Variants in PALMD observed in about 807,000 individuals in gnomAD.
PALMD encodes the protein paralemmin-like protein.
PALMD carries 42 observed loss-of-function variants against 56.2 expected under a neutral mutation model. The observed-to-expected ratio is 0.75, with a 90% CI of 0.58 to 0.97. PALMD has a LOEUF of 0.97. PALMD is among the 50% of genes least tolerant of loss of function. PALMD has a pLI of 0.00. For missense variants in PALMD, 660 were observed against 643.8 expected (o/e 1.03, Z -0.27); for synonymous variants, 242 against 222.9 (o/e 1.09, Z -0.76).
chr1:99,688,837 T>C lies in PALMD; in HGVS notation c.577T>C (p.Ser193Pro). Residue 193 changes from serine to proline, a missense_variant, in exon 7 of 8, where the codon TCT becomes CCT. Transcript: ENST00000263174. ...GAAGACTGGAGAAAGTACAGTTCTGTCTTCAATACCTCTGCCATCAGATGA... is the reference window on the plus strand; with the variant it reads ...GAAGACTGGAGAAAGTACAGTTCTGCCTTCAATACCTCTGCCATCAGATGA... ...DLKTGESTVLSSIPLPSDDFK... is the reference protein window; with the variant it reads ...DLKTGESTVLPSIPLPSDDFK... The C allele has an allele frequency of 6.2e-7, 1 of 1,612,204 alleles. No homozygotes were observed. Among genetic ancestry groups the C allele is most frequent in the East Asian group, 2.2e-5 (1 of 44,870 alleles).
intron 3 of PALMD, among the ~76,000 whole-genome samples, chr1:99,682,425 C>T (rs6679771): frequency 0.048 from 7,355 of 152,114 alleles, 538 homozygotes; most frequent in African/African-American, 0.16. Flanking sequence ...TATTGTGAGA[C>T]CACAGCGACT....
At chr1:99,662,842 G>C (rs1037599369) in intron 2 of PALMD, among the ~76,000 whole-genome samples, 1 of 152,204 alleles carries the variant, frequency 6.6e-6, no homozygotes, top group African/African-American at 2.4e-5. Context: ...AGTGCAATGA[G>C]TCCAATGTTG....
At chr1:99,661,039 T>C (rs1009175322) in intron 1 of PALMD, among the ~76,000 whole-genome samples, 5 of 152,228 alleles carry the variant, frequency 3.3e-5, no homozygotes, top group African/African-American at 4.8e-5. Context: ...ATCTTCAAAA[T>C]AGTCACATCA....
At chr1:99,649,811 G>C (rs1422701262) in intron 1 of PALMD, among the ~76,000 whole-genome samples, 1 of 152,332 alleles carries the variant, frequency 6.6e-6, no homozygotes, top group African/African-American at 2.4e-5. Context: ...CTCAGAGGAA[G>C]TTTAAGAACT....
intron 7 of PALMD, among the ~76,000 whole-genome samples, chr1:99,692,915 A>G (rs967354786): frequency 3.3e-5 from 5 of 152,214 alleles, no homozygotes; most frequent in African/African-American, 1.2e-4. Flanking sequence ...TGGCCCTGCC[A>G]CTAGAACTGA....
intron 2 of PALMD, among the ~76,000 whole-genome samples, chr1:99,664,897 A>G (rs899832818): frequency 3.3e-5 from 5 of 152,192 alleles, no homozygotes; most frequent in Admixed American, 1.3e-4. Context: ...GAATACACAC[A>G]TTTCAAAATA....
chr1:99,683,044 GAA>G (rs1321062288), intron 3 of PALMD, among the ~76,000 whole-genome samples: 2 of 13,200 alleles, frequency 1.5e-4, no homozygotes, highest in East Asian at 7.8e-3. Context: ...AAGAAAGAAA[GAA>G]AGAAAGAAAG....
Position 99,694,461 on chromosome 1 carries a change from A to T in PALMD, c.*399A>T, listed in dbSNP as rs1202000303. 6.3e-6 allele frequency: 1 copy of T among 159,928 alleles called. No homozygotes were observed. Among genetic ancestry groups the T allele is most frequent in the Non-Finnish European group, 1.4e-5 (1 of 73,230 alleles). The allele number at this position is 159,928 out of a possible 1,614,324, so 9.9% of individuals were successfully genotyped here. On this transcript the variant is annotated 3_prime_UTR_variant, in exon 8 of 8. Coordinates refer to ENST00000263174, the MANE Select transcript of PALMD (RefSeq NM_017734.5). ...AGGAAAGCATTGCCCTTCATCACAG[A>T]AGTATTCAACTCTGACAAATAAATA... is the stretch of plus-strand genomic sequence containing the variant.
intron 3 of PALMD, chr1:99,683,154 GAAAGAAA>G (rs1653409672): frequency 7.7e-6 from 1 of 130,406 alleles, no homozygotes; most frequent in African/African-American, 3.1e-5. Flanking sequence ...AAGAAAGAAA[GAAAGAAA>G]GAAAGAAACG....
At chr1:99,673,762 A>C (rs2100865839) in intron 3 of PALMD, among the ~76,000 whole-genome samples, 1 of 152,332 alleles carries the variant, frequency 6.6e-6, no homozygotes, top group South Asian at 2.1e-4. Flanking sequence ...AAAGGGAAGA[A>C]GTCTACCCAC....
intron 7 of PALMD, chr1:99,690,174 T>C (rs1653623710): frequency 5.0e-6 from 2 of 396,644 alleles, no homozygotes; most frequent in Non-Finnish European, 8.9e-6. Context: ...GGGTCACTAA[T>C]ATGTTGGATC....
chr1:99,686,113 C>T (rs1212392277), intron 3 of PALMD: 1 of 152,044 alleles, frequency 6.6e-6, no homozygotes, highest in East Asian at 1.9e-4. Context: ...TGCATCTCTT[C>T]ACCCTCCTCA....
intron 2 of PALMD, among the ~76,000 whole-genome samples, chr1:99,664,409 A>G (rs929187191): frequency 8.5e-5 from 13 of 152,220 alleles, no homozygotes; most frequent in Non-Finnish European, 1.6e-4. Flanking sequence ...TATTAAGTAC[A>G]TATTATGTAC....
intron 3 of PALMD, among the ~76,000 whole-genome samples, chr1:99,678,352 G>A (rs963775184): frequency 1.3e-5 from 2 of 151,952 alleles, no homozygotes; most frequent in Non-Finnish European, 2.9e-5. Flanking sequence ...TTATCCACTC[G>A]CCTCAGCCTC....
At chr1:99,678,191 C>G (rs572484087) in intron 3 of PALMD, among the ~76,000 whole-genome samples, 3 of 151,756 alleles carry the variant, frequency 2.0e-5, no homozygotes, top group Admixed American at 2.0e-4. Context: ...GCGACCTCTG[C>G]CTCCCAGATT....
chr1:99,671,422 T>C (rs1002625836), intron 3 of PALMD, among the ~76,000 whole-genome samples: 3 of 151,890 alleles, frequency 2.0e-5, no homozygotes, highest in Admixed American at 1.3e-4. Flanking sequence ...GTGAGACAGT[T>C]ATAGCCACTT....
chr1:99,690,421 AT>A (rs58227138), intron 7 of PALMD, among the ~76,000 whole-genome samples: 15,570 of 152,022 alleles, frequency 0.1, 1,414 homozygotes, highest in African/African-American at 0.25. Flanking sequence ...ATGTTAGTTT[AT>A]TTTATGTTTT....
At position 99,694,134 on chromosome 1, in the gene PALMD, A is replaced by G; in HGVS notation, c.*72A>G. The G allele has an allele frequency of 9.4e-7, 1 of 1,062,386 alleles. No homozygotes were observed. The highest frequency in any genetic ancestry group is 1.4e-6 in the Non-Finnish European group (1 of 715,830). 65.8% of individuals were successfully genotyped at this position (1,062,386 alleles called of 1,614,324 possible). ...GCATTTGCAAATTTCTCTTCTGGAT[A>G]TTTTGTTTATTTTTTCTGAAGTCCA... On this transcript the variant is annotated 3_prime_UTR_variant, in exon 8 of 8. Coordinates refer to ENST00000263174, the MANE Select transcript of PALMD (RefSeq NM_017734.5).
chr1:99,689,002 GA>G lies in PALMD; in HGVS notation c.743del (p.Glu248GlyfsTer30), dbSNP rs1218643174. 2 of 1,613,806 alleles carry G rather than the reference GA, an allele frequency of 1.2e-6. No individual in the cohort carries two copies. The highest frequency in any genetic ancestry group is 2.2e-5 in the South Asian group (2 of 91,060). Reference sequence around the variant, plus strand: ...AGAGGAACTTCTAAGACAAGCCTCAGAGAGAAACTCTAAATCCCCAACAGAG... The same window carrying G: ...AGAGGAACTTCTAAGACAAGCCTCAGGAGAAACTCTAAATCCCCAACAGAG... Reference protein sequence around the residue: ...EVEELLRQASERNSKSPTEYH... With the variant: ...EVEELLRQASXRNSKSPTEYH... On this transcript the variant is annotated frameshift_variant, in exon 7 of 8. Coordinates refer to ENST00000263174, the MANE Select transcript of PALMD (RefSeq NM_017734.5). LOFTEE classifies it high-confidence loss of function.
Sources: gnomAD v4.1 joint callset for allele counts (sites outside exome capture counted in the v4.1 genomes callset) on GRCh38, gnomAD v4.1.1 for gene constraint, MANE v1.5 for transcripts, NCBI Gene and HGNC (gene_info 2026-07-23, HGNC 2026-07-21) for gene names.